Variants in KCNIP3 observed in about 807,000 individuals in gnomAD.
The protein encoded by KCNIP3 is potassium voltage-gated channel interacting protein 3.
A neutral mutation model predicts 35.0 loss-of-function variants in KCNIP3; 28 were observed. The ratio of observed to expected loss-of-function variants is 0.80; its 90% CI spans 0.59 to 1.10. The LOEUF (loss-of-function observed/expected upper bound fraction) is 1.10. Among genes scored for constraint, KCNIP3 ranks in the 50% least tolerant of loss-of-function variants. KCNIP3 has a pLI of 0.00. For missense variants in KCNIP3, 295 were observed against 338.4 expected (o/e 0.87, Z 1.01); for synonymous variants, 134 against 133.8 (o/e 1.00, Z -0.01).
chr2:95,338,749 G>T (rs1472766565), intron 2 of KCNIP3, among the ~76,000 whole-genome samples: 4 of 152,306 alleles, frequency 2.6e-5, no homozygotes, highest in Admixed American at 2.6e-4. Context: ...GCAACCAGAA[G>T]TCTCTGTCTG....
rs180760175 is a variant in KCNIP3, at chr2:95,310,223, T to A, written c.16-132T>A. 7.6e-6 allele frequency: 8 copies of A among 1,058,438 alleles called. No homozygotes were observed. The East Asian group carries it at 1.9e-4, about 26-fold the overall frequency. 65.6% of individuals were successfully genotyped at this position (1,058,438 alleles called of 1,614,324 possible). The stretch of plus-strand genomic sequence containing the variant: ...TGGCCAGGACAAGGGGCACTAGGCA[T>A]GCAGCCCCGGAAGGTGAGCCCTCTG... On this transcript the variant is annotated intron_variant, in intron 1 of 8. Transcript: ENST00000295225.
intron 1 of KCNIP3, chr2:95,298,900 G>A (rs944563182): frequency 4.6e-5 from 7 of 152,260 alleles, no homozygotes; most frequent in African/African-American, 1.7e-4. Flanking sequence ...GACACATTGA[G>A]CGACCCTGCA....
chr2:95,357,818 C>T (rs1399312836), intron 2 of KCNIP3, among the ~76,000 whole-genome samples: 1 of 152,196 alleles, frequency 6.6e-6, no homozygotes, highest in Admixed American at 6.5e-5. Context: ...AGCCTGGTGC[C>T]CTGCCTTGCT....
Position 95,376,633 on chromosome 2 carries a change from G to A in KCNIP3, c.447+1425G>A, listed in dbSNP as rs1209812961. Among the ~76,000 whole-genome samples the A allele has an allele frequency of 6.6e-6, 1 of 152,246 alleles. No homozygotes were observed. Among genetic ancestry groups the A allele is most frequent in the Non-Finnish European group, 1.5e-5 (1 of 68,050 alleles). ...GTGAAACGAAGTCCTCTGGCTTCAC[G>A]CAGGTACATTTACCTTGAGGAACTT... On this transcript the variant is annotated intron_variant, in intron 5 of 8. Transcript: ENST00000295225. The surrounding 1 kb of genome is among the most constrained non-coding windows in gnomAD (Gnocchi z 4.2).
chr2:95,330,651 G>C (rs565554185), intron 2 of KCNIP3, among the ~76,000 whole-genome samples: 2 of 152,306 alleles, frequency 1.3e-5, no homozygotes, highest in South Asian at 2.1e-4. Context: ...AGCTGGCCTG[G>C]AGCCAGTGGC....
chr2:95,321,748 A>C (rs998707211), intron 2 of KCNIP3, among the ~76,000 whole-genome samples: 20 of 152,308 alleles, frequency 1.3e-4, no homozygotes, highest in African/African-American at 4.1e-4. Flanking sequence ...AGAAAGACCC[A>C]GGTGAGTGAG....
intron 1 of KCNIP3, among the ~76,000 whole-genome samples, chr2:95,308,305 G>A (rs1678228175): frequency 6.6e-6 from 1 of 152,212 alleles, no homozygotes; most frequent in African/African-American, 2.4e-5. Flanking sequence ...TGGAGAAGGG[G>A]AGGGACGTGC....
intron 2 of KCNIP3, among the ~76,000 whole-genome samples, chr2:95,340,195 G>A (rs1347170828): frequency 1.3e-5 from 2 of 152,208 alleles, no homozygotes; most frequent in African/African-American, 4.8e-5. Context: ...AAATTAGCCA[G>A]GCATGGTGGT....
intron 2 of KCNIP3, among the ~76,000 whole-genome samples, chr2:95,315,288 C>G (rs1678424476): frequency 1.3e-5 from 2 of 152,178 alleles, no homozygotes; most frequent in Non-Finnish European, 2.9e-5. Context: ...GCAGCTGCAG[C>G]CTGATCGGCC....
chr2:95,355,827 G>A (rs1441524942), intron 2 of KCNIP3, among the ~76,000 whole-genome samples: 2 of 152,174 alleles, frequency 1.3e-5, no homozygotes, highest in East Asian at 1.9e-4. Context: ...TGTCTTTACA[G>A]CAGCATGATT....
At chr2:95,298,576 C>T (rs1206935568) in intron 1 of KCNIP3, 1 of 152,142 alleles carries the variant, frequency 6.6e-6, no homozygotes, top group African/African-American at 2.4e-5. Flanking sequence ...GGCTTCCTGC[C>T]TCTTTCATCT....
At chr2:95,340,602 C>T (rs182440874) in intron 2 of KCNIP3, among the ~76,000 whole-genome samples, 77 of 152,336 alleles carry the variant, frequency 5.1e-4, no homozygotes, top group African/African-American at 1.6e-3. Context: ...GTGACACAAT[C>T]GTAGCCAATG....
chr2:95,333,542 C>T (rs1241613407), intron 2 of KCNIP3, among the ~76,000 whole-genome samples: 2 of 152,212 alleles, frequency 1.3e-5, no homozygotes, highest in Admixed American at 1.3e-4. Context: ...TCCAGAGACT[C>T]CTCAGAGCAC....
chr2:95,382,702 G>A lies in KCNIP3; in HGVS notation c.660+221G>A, dbSNP rs940266122. On this transcript the variant is annotated intron_variant, in intron 7 of 8. Coordinates refer to ENST00000295225, the MANE Select transcript of KCNIP3 (RefSeq NM_013434.5). The surrounding 1 kb of genome is among the most constrained non-coding windows in gnomAD (Gnocchi z 4.5). ...ACCTCATCTGGGGGCCAGAGCTGGGGATCCTGAGGCAGCTGACCCTGGGCC... is the reference window on the plus strand; with the variant it reads ...ACCTCATCTGGGGGCCAGAGCTGGGAATCCTGAGGCAGCTGACCCTGGGCC... 1.3e-5 allele frequency among the ~76,000 whole-genome samples: 2 copies of A among 152,220 alleles called. No homozygotes were observed. The highest frequency in any genetic ancestry group is 4.8e-5 in the African/African-American group (2 of 41,460).
At chr2:95,300,983 T>C (rs1678012457) in intron 1 of KCNIP3, among the ~76,000 whole-genome samples, 1 of 152,200 alleles carries the variant, frequency 6.6e-6, no homozygotes, top group African/African-American at 2.4e-5. Flanking sequence ...CCAGCCTTTA[T>C]CACATGGACA....
Position 95,376,419 on chromosome 2 carries a change from C to T in KCNIP3, c.447+1211C>T, listed in dbSNP as rs139562423. On this transcript the variant is annotated intron_variant, in intron 5 of 8. Coordinates refer to ENST00000295225, the MANE Select transcript of KCNIP3 (RefSeq NM_013434.5). This position sits in a 1 kb window ranked among gnomAD's most constrained non-coding sequence, Gnocchi z 4.2. Reference sequence around the variant, plus strand: ...TGGCAGTGCTCAGGAAGGTCACAGTCGCCCCTCACCTCCTGTGGCCATCAC... The same window carrying T: ...TGGCAGTGCTCAGGAAGGTCACAGTTGCCCCTCACCTCCTGTGGCCATCAC... Among the ~76,000 whole-genome samples, 662 of 152,298 alleles carry T rather than the reference C, an allele frequency of 4.3e-3. 5 individuals are homozygous for T. The highest frequency in any genetic ancestry group is 7.3e-3 in the Non-Finnish European group (497 of 68,006).
intron 1 of KCNIP3, 173 bp from the exon 2 acceptor site, chr2:95,310,182 C>T (rs1558758843): frequency 1.3e-6 from 1 of 765,030 alleles, no homozygotes; most frequent in Non-Finnish European, 2.3e-6. Flanking sequence ...AGGAACCTCC[C>T]CAGGTCTGGC....
chr2:95,298,991 G>A (rs1677950451), intron 1 of KCNIP3: 1 of 152,302 alleles, frequency 6.6e-6, no homozygotes, highest in Admixed American at 6.5e-5. Flanking sequence ...GCAGAAGACA[G>A]TCCTCCCCTC....
Position 95,297,355 on chromosome 2 carries a change from G to A in KCNIP3, c.-84G>A. 7.1e-7 allele frequency: 1 copy of A among 1,402,828 alleles called. No homozygotes were observed. The highest frequency in any genetic ancestry group is 2.5e-5 in the East Asian group (1 of 39,852). 86.9% of individuals were successfully genotyped at this position (1,402,828 alleles called of 1,614,324 possible). ...TACGTCTGGGTCCAAGCAAACATGA[G>A]GCAGCTGCCAGCCGGCCTGGGCAGT... On this transcript the variant is annotated 5_prime_UTR_variant, in exon 1 of 9. Coordinates refer to ENST00000295225, the MANE Select transcript of KCNIP3 (RefSeq NM_013434.5).
Sources: gnomAD v4.1 joint callset for allele counts (sites outside exome capture counted in the v4.1 genomes callset) on GRCh38, gnomAD v4.1.1 for gene constraint, Gnocchi (gnomAD v3.1) non-coding constraint, MANE v1.5 for transcripts, NCBI Gene and HGNC (gene_info 2026-07-23, HGNC 2026-07-21) for gene names.